The following ARHGAP11A variants were observed in gnomAD, a reference collection of about 807,000 sequenced individuals.
ARHGAP11A encodes rho GTPase-activating protein 11A.
Under a neutral mutation model 60.5 loss-of-function variants are expected in ARHGAP11A, and 36 were observed. The observed-to-expected ratio is 0.59, with a 90% CI of 0.46 to 0.79. ARHGAP11A has a LOEUF of 0.79. Ranked by LOEUF, ARHGAP11A falls within the 30% of genes least tolerant of loss-of-function variation. ARHGAP11A has a pLI of 0.00. For missense variants in ARHGAP11A, 1,071 were observed against 1,199.2 expected (o/e 0.89, Z 1.58); for synonymous variants, 362 against 415.5 (o/e 0.87, Z 1.57).
At chr15:32,616,411 C>G in intron 1 of ARHGAP11A, 71 bp downstream of exon 1, 1 of 1,599,710 alleles carries the variant, frequency 6.3e-7, no homozygotes, top group Non-Finnish European at 8.5e-7. Context: ...ACTACCAGAT[C>G]GTGCTAAAAT....
intron 4 of ARHGAP11A, among the ~76,000 whole-genome samples, chr15:32,624,834 A>G (rs1192217687): frequency 6.6e-6 from 1 of 151,598 alleles, no homozygotes; most frequent in Non-Finnish European, 1.5e-5. Context: ...AAGATGTTCA[A>G]TTTGTGTGGA....
At chr15:32,631,572 T>A (rs953659836) in intron 8 of ARHGAP11A, among the ~76,000 whole-genome samples, 2 of 152,220 alleles carry the variant, frequency 1.3e-5, no homozygotes, top group Non-Finnish European at 2.9e-5. Flanking sequence ...AGTGCTGGGA[T>A]TACAGGTGTG....
At chr15:32,630,768 C>T (rs916617851) in intron 8 of ARHGAP11A, among the ~76,000 whole-genome samples, 1 of 152,088 alleles carries the variant, frequency 6.6e-6, no homozygotes, top group African/African-American at 2.4e-5. Context: ...CTCTAGGGCT[C>T]ATTGAAATGT....
chr15:32,633,258 T>A, intron 9 of ARHGAP11A, 150 bp downstream of exon 9: 1 of 827,316 alleles, frequency 1.2e-6, no homozygotes, highest in Non-Finnish European at 1.8e-6. Context: ...ATCAATTGCC[T>A]TTTCAATACC....
In ARHGAP11A at chr15:32,636,270, C is replaced by A. The variant is rs138580047; in HGVS notation, c.1497C>A (p.Ile499=). The A allele has an allele frequency of 6.2e-7, 1 of 1,600,690 alleles. No individual in the cohort carries two copies. Among genetic ancestry groups the A allele is most frequent in the Non-Finnish European group, 8.5e-7 (1 of 1,175,300 alleles). Residue 499 remains isoleucine (I), a synonymous_variant, in exon 12 of 12, where the codon ATC becomes ATA. Transcript: ENST00000361627. The part of the protein sequence containing the change: ...EKLPKKGSEK[I]SKSEETLLTP... ...GCTTTATTTTAGGTTCAGAAAAGAT[C>A]AGTAAGTCTGAGGAAACCTTACTAA...
chr15:32,625,747 T>C, intron 6 of ARHGAP11A, 114 bp downstream of exon 6: 1 of 1,105,130 alleles, frequency 9.0e-7, no homozygotes, highest in Non-Finnish European at 1.3e-6. Flanking sequence ...AAAGCACAGC[T>C]GGAAAGATAG....
rs1220148241 is a variant in ARHGAP11A, at chr15:32,638,870, C to T, written c.*1025C>T. On this transcript the variant is annotated 3_prime_UTR_variant, in exon 12 of 12. Transcript: ENST00000361627. Reference sequence around the variant, plus strand: ...TGGCAATTATTTAAAGAGGGATAATCTTGAAAAAAATTAACCAAGGTGATT... The same window carrying T: ...TGGCAATTATTTAAAGAGGGATAATTTTGAAAAAAATTAACCAAGGTGATT... 1 of 152,546 alleles carries T rather than the reference C, an allele frequency of 6.6e-6. No individual in the cohort carries two copies. Among genetic ancestry groups the T allele is most frequent in the African/African-American group, 2.4e-5 (1 of 41,428 alleles). The allele number at this position is 152,546 out of a possible 1,614,324, so 9.4% of individuals were successfully genotyped here. A position where few individuals can be genotyped will look rare whatever the true frequency, so the allele number is the denominator to read the frequency against.
intron 6 of ARHGAP11A, among the ~76,000 whole-genome samples, chr15:32,626,607 G>A (rs1469664598): frequency 2.0e-5 from 3 of 152,058 alleles, no homozygotes; most frequent in Non-Finnish European, 2.9e-5. Context: ...ATTTTCCTAG[G>A]GCTACTGTAG....
chr15:32,626,566 T>C (rs2140457836), intron 6 of ARHGAP11A, among the ~76,000 whole-genome samples: 1 of 152,274 alleles, frequency 6.6e-6, no homozygotes, highest in South Asian at 2.1e-4. Context: ...ACCTCCTTTG[T>C]AGATAGGATA....
chr15:32,626,311 A>G lies in ARHGAP11A; in HGVS notation c.862+678A>G, dbSNP rs1015691160. On this transcript the variant is annotated intron_variant, in intron 6 of 11. Transcript: ENST00000361627. The stretch of plus-strand genomic sequence containing the variant: ...TTAGTGACATGGATTAGTTAGGAGT[A>G]CGAACTAAATAATGAAGGAAATATT... 4.6e-5 allele frequency among the ~76,000 whole-genome samples: 7 copies of G among 152,184 alleles called. No homozygotes were observed. In the East Asian group the frequency reaches 1.3e-3, roughly 29 times the overall value.
In ARHGAP11A at chr15:32,619,348, C is replaced by T. The variant is rs549357368; in HGVS notation, c.130-760C>T. ...GAAAGCGACACATTTTTAAGAGGTT[C>T]GAATGCATGCACAAAGATAGTGGCA... is the stretch of plus-strand genomic sequence containing the variant. On this transcript the variant is annotated intron_variant, in intron 1 of 11. Transcript: ENST00000361627. 5.1e-4 allele frequency among the ~76,000 whole-genome samples: 78 copies of T among 152,102 alleles called. 1 individual carries two copies. The highest frequency in any genetic ancestry group is 1.0e-3 in the Non-Finnish European group (69 of 68,036).
chr15:32,623,720 G>A, intron 3 of ARHGAP11A, 132 bp downstream of exon 3: 1 of 837,218 alleles, frequency 1.2e-6, no homozygotes, highest in Non-Finnish European at 1.8e-6. Context: ...CATGGCAGAA[G>A]ATTTTTTTTT....
chr15:32,636,714 T>G lies in ARHGAP11A; in HGVS notation c.1941T>G (p.Asn647Lys). Residue 647 changes from asparagine (N) to lysine (K), a missense_variant, in exon 12 of 12, where the codon AAT (asparagine) becomes AAG (lysine). Coordinates refer to ENST00000361627, the MANE Select transcript of ARHGAP11A (RefSeq NM_014783.6). Reference protein sequence around the residue: ...DSPEENLFETNDLTIVESKEK... With the variant: ...DSPEENLFETKDLTIVESKEK... ...CAGAGGAAAATCTATTTGAAACTAA[T>G]GATTTGACTATAGTAGAATCAAAGG... 2 of 1,613,890 alleles carry G rather than the reference T, an allele frequency of 1.2e-6. No individual in the cohort carries two copies. Among genetic ancestry groups the G allele is most frequent in the Non-Finnish European group, 1.7e-6 (2 of 1,179,948 alleles).
chr15:32,620,443 A>T lies in ARHGAP11A; in HGVS notation c.200+265A>T, dbSNP rs1463030927. On this transcript the variant is annotated intron_variant, in intron 2 of 11. Transcript: ENST00000361627. Reference sequence around the variant, plus strand: ...AGTGAGCCTTCTAGCCAGGGAAATGAAGAAGAAGAGAGTAAGCATTTCAAA... The same window carrying T: ...AGTGAGCCTTCTAGCCAGGGAAATGTAGAAGAAGAGAGTAAGCATTTCAAA... Among the ~76,000 whole-genome samples the T allele has an allele frequency of 2.0e-5, 3 of 149,978 alleles. No individual in the cohort carries two copies. In the East Asian group the frequency reaches 5.8e-4, roughly 29 times the overall value.
At chr15:32,631,440 T>G (rs2053581446) in intron 8 of ARHGAP11A, among the ~76,000 whole-genome samples, 1 of 151,878 alleles carries the variant, frequency 6.6e-6, no homozygotes, top group Non-Finnish European at 1.5e-5. Context: ...GGATTATAGG[T>G]GGCCACCACC....
intron 2 of ARHGAP11A, among the ~76,000 whole-genome samples, chr15:32,620,733 C>A (rs930324034): frequency 2.0e-5 from 3 of 152,178 alleles, no homozygotes; most frequent in Admixed American, 6.5e-5. Flanking sequence ...AATATACTGA[C>A]TTACCAATTC....
chr15:32,629,292 CCTT>C (rs1290520020), intron 7 of ARHGAP11A, among the ~76,000 whole-genome samples: 1 of 146,000 alleles, frequency 6.8e-6, no homozygotes. Context: ...TGTTTCAACT[CCTT>C]GATTGTAATT....
chr15:32,627,346 G>T (rs1158100976), intron 6 of ARHGAP11A, among the ~76,000 whole-genome samples: 1 of 151,810 alleles, frequency 6.6e-6, no homozygotes, highest in Non-Finnish European at 1.5e-5. Context: ...TTTAACCATG[G>T]GTTCTACCTC....
rs765550906 is a variant in ARHGAP11A at position 32,633,048 on chromosome 15, A to C, written c.1175A>C (p.His392Pro). The C allele has an allele frequency of 9.9e-6, 16 of 1,614,072 alleles. No individual in the cohort carries two copies. Among genetic ancestry groups the C allele is most frequent in the Non-Finnish European group, 1.2e-5 (14 of 1,180,012 alleles). ...SLSPVLIGGN[H>P]LITAGVPRRS... ...TCTCCTGTACTCATTGGTGGAAACC[A>C]TTTGATCACTGCAGGTGTGCCAAGG... is the stretch of plus-strand genomic sequence containing the variant. Residue 392 changes from histidine to proline, a missense_variant, in exon 9 of 12, where the codon CAT (histidine) becomes CCT (proline). His to Pro is a moderately conservative substitution (Grantham distance 77). Around this residue, in one of 4 missense-constraint regions of ARHGAP11A, gnomAD observed 776 missense variants for 760.2 expected, o/e 1.02. Coordinates refer to ENST00000361627, the MANE Select transcript of ARHGAP11A (RefSeq NM_014783.6).
Sources: allele counts gnomAD v4.1 joint callset (sites outside exome capture counted in the v4.1 genomes callset), GRCh38; gene constraint gnomAD v4.1.1; regional missense constraint gnomAD v4.1.1; transcripts MANE v1.5; gene names NCBI Gene and HGNC (gene_info 2026-07-23, HGNC 2026-07-21).